The following TLN2 variants were observed in gnomAD, a reference collection of about 807,000 sequenced individuals.
TLN2 encodes talin-2.
In TLN2, 118 loss-of-function variants were observed where a neutral mutation model predicts 294.7. The observed-to-expected ratio is 0.40, with a 90% CI of 0.34 to 0.47. TLN2 has a LOEUF of 0.47. Ranked by LOEUF, TLN2 falls within the 20% of genes least tolerant of loss-of-function variation. The probability of loss-of-function intolerance (pLI) is 0.84; values close to 1 mark genes in which losing one functional copy is unlikely to be tolerated. For synonymous variants in TLN2, 1,431 were observed against 1,304.5 expected (o/e 1.10, Z -2.09); for missense variants, 3,083 against 3,282.2 (o/e 0.94, Z 1.48).
chr15:62,608,726 G>A (rs2047657589), intron 2 of TLN2, among the ~76,000 whole-genome samples: 1 of 152,106 alleles, frequency 6.6e-6, no homozygotes. Context: ...AAAGACCTTA[G>A]GGAGGTCGGG....
chr15:62,627,408 C>T (rs2049375320), intron 3 of TLN2, among the ~76,000 whole-genome samples: 1 of 152,130 alleles, frequency 6.6e-6, no homozygotes, highest in South Asian at 2.1e-4. Flanking sequence ...ATTTTGGGGG[C>T]TAGCCAAAGA....
chr15:62,463,737 ATTAGCC>A (rs2036948185), intron 1 of TLN2, among the ~76,000 whole-genome samples: 1 of 152,124 alleles, frequency 6.6e-6, no homozygotes, highest in Admixed American at 6.5e-5. Flanking sequence ...CACACAAAAA[ATTAGCC>A]AGGCGTGGTG....
chr15:62,689,121 GTT>G (rs1433986576), intron 12 of TLN2, among the ~76,000 whole-genome samples: 2 of 138,984 alleles, frequency 1.4e-5, no homozygotes, highest in African/African-American at 5.4e-5. Context: ...CCTTTTTAGA[GTT>G]TGTTTGCTTT....
At chr15:62,758,813 T>C (rs2062472868) in intron 37 of TLN2, among the ~76,000 whole-genome samples, 1 of 152,208 alleles carries the variant, frequency 6.6e-6, no homozygotes, top group African/African-American at 2.4e-5. Context: ...CTCGGTTCAT[T>C]GTTTGAGGCA....
intron 2 of TLN2, among the ~76,000 whole-genome samples, chr15:62,597,078 C>G (rs1263592051): frequency 6.6e-6 from 1 of 152,148 alleles, no homozygotes; most frequent in Non-Finnish European, 1.5e-5. Context: ...AAAGCTGATT[C>G]TTGCTTTCAG....
intron 40 of TLN2, among the ~76,000 whole-genome samples, chr15:62,764,920 G>A (rs889444677): frequency 6.7e-6 from 1 of 148,564 alleles, no homozygotes; most frequent in Admixed American, 6.7e-5. Flanking sequence ...TGAGTGAGCC[G>A]AGATCACACT....
intron 1 of TLN2, among the ~76,000 whole-genome samples, chr15:62,465,820 A>G (rs1424882634): frequency 6.6e-6 from 1 of 152,030 alleles, no homozygotes; most frequent in Non-Finnish European, 1.5e-5. Flanking sequence ...TCTTCTGTTT[A>G]TGCATTTCTG....
intron 2 of TLN2, among the ~76,000 whole-genome samples, chr15:62,602,252 T>C (rs1023537233): frequency 1.3e-5 from 2 of 152,222 alleles, no homozygotes; most frequent in Non-Finnish European, 2.9e-5. Flanking sequence ...TGTTCTTTCA[T>C]CTGTGCCAAA....
chr15:62,499,655 G>A (rs912033908), intron 1 of TLN2, among the ~76,000 whole-genome samples: 3 of 152,116 alleles, frequency 2.0e-5, no homozygotes, highest in African/African-American at 7.2e-5. Context: ...AGGCTGGAGT[G>A]CGATGGCATG....
rs951920616 is a variant in TLN2, at chr15:62,536,307, G to T, written c.-237-53380G>T. 3.9e-5 allele frequency among the ~76,000 whole-genome samples: 6 copies of T among 152,164 alleles called. 1 individual carries two copies. Among genetic ancestry groups the T allele is most frequent in the Admixed American group, 3.9e-4 (6 of 15,286 alleles). ...GCCAGGCCTGAGAAGGATTCTCTAG[G>T]ATTCTCCCAAGGCACTCACTTCCAG... is the stretch of plus-strand genomic sequence containing the variant. On this transcript the variant is annotated intron_variant, in intron 1 of 58. Transcript: ENST00000636159.
intron 1 of TLN2, among the ~76,000 whole-genome samples, chr15:62,402,717 T>C (rs905007508): frequency 2.6e-5 from 4 of 152,178 alleles, no homozygotes; most frequent in Admixed American, 1.3e-4. Context: ...TATACCCACT[T>C]CTCAGCTGAT....
chr15:62,581,028 C>T (rs527542323), intron 1 of TLN2, among the ~76,000 whole-genome samples: 43 of 152,070 alleles, frequency 2.8e-4, no homozygotes, highest in Middle Eastern at 3.4e-3. Flanking sequence ...GGATTACAGG[C>T]GCCCACCACC....
chr15:62,555,912 T>G (rs1467052440), intron 1 of TLN2, among the ~76,000 whole-genome samples: 1 of 149,130 alleles, frequency 6.7e-6, no homozygotes. Flanking sequence ...GATATTTCCT[T>G]TCATTATTCT....
At chr15:62,761,565 C>T (rs2062673331) in intron 37 of TLN2, 116 bp from the exon 38 acceptor site, 2 of 1,429,854 alleles carry the variant, frequency 1.4e-6, no homozygotes, top group African/African-American at 2.8e-5. Flanking sequence ...ATGAAGTCAC[C>T]AGAGATTTTC....
chr15:62,689,107 G>C (rs1466285428), intron 12 of TLN2, among the ~76,000 whole-genome samples: 1 of 144,452 alleles, frequency 6.9e-6, no homozygotes, highest in Admixed American at 6.9e-5. Flanking sequence ...GGGTTACTTG[G>C]ACACCTTTTT....
chr15:62,697,591 G>A, intron 14 of TLN2, 97 bp from the exon 15 acceptor site: 5 of 1,389,276 alleles, frequency 3.6e-6, no homozygotes, highest in East Asian at 2.4e-5. Context: ...GGCCTTCACA[G>A]CATAAAGCAG....
chr15:62,574,613 A>AAAAAAAAAAAC (rs2044228305), intron 1 of TLN2, among the ~76,000 whole-genome samples: 1 of 127,712 alleles, frequency 7.8e-6, no homozygotes, highest in Non-Finnish European at 1.6e-5. Context: ...AAAAAAAAAA[A>AAAAAAAAAAAC]AAAAAAGACT....
intron 3 of TLN2, among the ~76,000 whole-genome samples, chr15:62,618,999 C>G (rs1200286229): frequency 2.6e-5 from 4 of 152,144 alleles, no homozygotes; most frequent in African/African-American, 9.7e-5. Flanking sequence ...GAAAGCAAAT[C>G]AGCATTTCTG....
In TLN2 at chr15:62,785,518, G is replaced by T. The variant is rs532669138; in HGVS notation, c.5736+1628G>T. ...TGTCTACAAAAATACTGGGCGTGATGGTGTGCGCCTGTAATCCCAGCTACT... is the reference window on the plus strand; with the variant it reads ...TGTCTACAAAAATACTGGGCGTGATTGTGTGCGCCTGTAATCCCAGCTACT... On this transcript the variant is annotated intron_variant, in intron 45 of 58. Coordinates refer to ENST00000636159, the MANE Select transcript of TLN2 (RefSeq NM_015059.3). Among the ~76,000 whole-genome samples, 10 of 152,302 alleles carry T rather than the reference G, an allele frequency of 6.6e-5. No homozygotes were observed. In the South Asian group the frequency reaches 1.9e-3, roughly 28 times the overall value.
Sources: gnomAD v4.1 joint callset for allele counts (sites outside exome capture counted in the v4.1 genomes callset) on GRCh38, gnomAD v4.1.1 for gene constraint, MANE v1.5 for transcripts, NCBI Gene and HGNC (gene_info 2026-07-23, HGNC 2026-07-21) for gene names.